The following GFI1B variants were observed in gnomAD, a reference collection of about 807,000 sequenced individuals.
GFI1B encodes the protein zinc finger protein Gfi-1b.
Under a neutral mutation model 35.3 loss-of-function variants are expected in GFI1B, and 20 were observed. That is an observed-to-expected ratio of 0.57 (90% CI 0.40 to 0.82). The LOEUF is 0.82. Ranked by LOEUF, GFI1B falls within the 40% of genes least tolerant of loss-of-function variation. The pLI is 0.00. For synonymous variants in GFI1B, 178 were observed against 177.6 expected (o/e 1.00, Z -0.02); for missense variants, 430 against 446.3 (o/e 0.96, Z 0.33).
chr9:132,946,133 A>G (rs1181550336), intron 1 of GFI1B, among the ~76,000 whole-genome samples: 1 of 152,158 alleles, frequency 6.6e-6, no homozygotes, highest in Admixed American at 6.5e-5. Context: ...AACCTTTATA[A>G]CCATACGTCT....
intron 1 of GFI1B, among the ~76,000 whole-genome samples, chr9:132,954,723 A>ATTTTTTT (rs543352177): frequency 1.2e-4 from 17 of 145,272 alleles, no homozygotes; most frequent in African/African-American, 4.3e-4. Context: ...CATCTGGCCA[A>ATTTTTTT]TTTTTTTTTT....
In GFI1B at chr9:132,963,572, C is replaced by T. The variant is rs1423630052; in HGVS notation, c.-700-9153C>T. 3.3e-5 allele frequency among the ~76,000 whole-genome samples: 5 copies of T among 151,988 alleles called. No individual in the cohort carries two copies. The South Asian group carries it at 6.2e-4, about 19-fold the overall frequency. On this transcript the variant is annotated intron_variant, in intron 1 of 10. Transcript: ENST00000339463. The stretch of plus-strand genomic sequence containing the variant: ...AGGCTGGAGTGCAGTGGCGTGATCT[C>T]GAACTCCTGATCTCAGGTGATCCAG...
upstream of GFI1B, among the ~76,000 whole-genome samples, chr9:132,975,909 G>A (rs1172217011): frequency 6.6e-6 from 1 of 152,188 alleles, no homozygotes; most frequent in East Asian, 1.9e-4. Context: ...GGGCTGTAAG[G>A]GCCTGGGTGA....
intron 1 of GFI1B, among the ~76,000 whole-genome samples, chr9:132,964,018 A>T (rs974322596): frequency 6.6e-6 from 1 of 152,214 alleles, no homozygotes; most frequent in African/African-American, 2.4e-5. Flanking sequence ...AGGTGGGAAG[A>T]TCACCTGAGG....
rs73554559 is a variant in GFI1B at position 132,989,623 on chromosome 9, G to T, written c.649-119G>T. ...TTCACCTCAGAGGCAGAGATGAGGGGTCCCCCGGTCCTGCTCCTCCAGGCC... is the reference window on the plus strand; with the variant it reads ...TTCACCTCAGAGGCAGAGATGAGGGTTCCCCCGGTCCTGCTCCTCCAGGCC... On this transcript the variant is annotated intron_variant, in intron 5 of 6. Transcript: ENST00000372122. The surrounding 1 kb of genome is among the most constrained non-coding windows in gnomAD (Gnocchi z 6.2). 388 of 722,798 alleles carry T rather than the reference G, an allele frequency of 5.4e-4. No homozygotes were observed. The African/African-American group carries it at 6.0e-3, about 11-fold the overall frequency. 44.8% of individuals were successfully genotyped at this position (722,798 alleles called of 1,614,324 possible).
chr9:132,951,157 A>G (rs1032902769), intron 1 of GFI1B: 2 of 152,090 alleles, frequency 1.3e-5, no homozygotes, highest in African/African-American at 2.4e-5. Context: ...TATGTTTCAT[A>G]TTTATATTGT....
At chr9:132,971,656 G>GA (rs1365339948) in intron 1 of GFI1B, among the ~76,000 whole-genome samples, 1 of 152,142 alleles carries the variant, frequency 6.6e-6, no homozygotes, top group Non-Finnish European at 1.5e-5. Flanking sequence ...GACAGAGAAA[G>GA]AAACAAGAAA....
At chr9:132,971,098 C>T (rs1848526132) in intron 1 of GFI1B, among the ~76,000 whole-genome samples, 1 of 152,208 alleles carries the variant, frequency 6.6e-6, no homozygotes, top group African/African-American at 2.4e-5. Context: ...CTCCTGGGCT[C>T]AAGCAATCCT....
At chr9:132,951,500 T>C (rs545304799) in intron 1 of GFI1B, 4 of 152,366 alleles carry the variant, frequency 2.6e-5, no homozygotes, top group African/African-American at 9.6e-5. Flanking sequence ...ATTATCTCCC[T>C]ATTAACTATC....
upstream of GFI1B, among the ~76,000 whole-genome samples, chr9:132,974,058 A>G (rs1848580956): frequency 6.6e-6 from 1 of 152,202 alleles, no homozygotes; most frequent in Admixed American, 6.5e-5. Context: ...AGAGCCGCAT[A>G]AAGTGGGTAG....
intron 1 of GFI1B, among the ~76,000 whole-genome samples, chr9:132,964,743 C>CG (rs1848422812): frequency 9.3e-6 from 1 of 107,938 alleles, no homozygotes; most frequent in Non-Finnish European, 1.9e-5. Flanking sequence ...ATTTTTCTTC[C>CG]TTTTTTTTTT....
chr9:132,971,125 A>G (rs1366828866), intron 1 of GFI1B, among the ~76,000 whole-genome samples: 1 of 152,086 alleles, frequency 6.6e-6, no homozygotes, highest in East Asian at 1.9e-4. Context: ...TCAGTCCCCA[A>G]AGTGCTGGGA....
chr9:132,951,951 T>C (rs944208636), intron 1 of GFI1B: 29 of 152,050 alleles, frequency 1.9e-4, no homozygotes, highest in African/African-American at 6.8e-4. Context: ...TTATTTTTTG[T>C]AGAAGTGGGC....
rs796692546 is a variant in GFI1B, at chr9:132,960,772, G to T, written c.-700-11953G>T. Among the ~76,000 whole-genome samples the T allele has an allele frequency of 8.6e-5, 13 of 151,856 alleles. 1 individual carries two copies. Among genetic ancestry groups the T allele is most frequent in the African/African-American group, 3.1e-4 (13 of 41,368 alleles). On this transcript the variant is annotated intron_variant, in intron 1 of 10. Coordinates refer to the GFI1B transcript ENST00000339463. ...CCACCTCAGTCTCCCAAAACATTAG[G>T]GTTACAAGCATGAGCCACCGAGCCT...
downstream of GFI1B, among the ~76,000 whole-genome samples, chr9:132,993,413 A>G (rs1445052619): frequency 1.3e-5 from 2 of 152,196 alleles, no homozygotes; most frequent in East Asian, 3.8e-4. Flanking sequence ...AGGGATGCCA[A>G]GAGTAGACCA....
intron 1 of GFI1B, among the ~76,000 whole-genome samples, chr9:132,971,972 TA>T (rs55710047): frequency 2.3e-3 from 299 of 130,732 alleles, no homozygotes; most frequent in Middle Eastern, 8.8e-3. Context: ...AGACTCTGTC[TA>T]AAAAAAAAAA....
At chr9:132,971,805 C>T (rs568753614) in intron 1 of GFI1B, among the ~76,000 whole-genome samples, 5 of 151,962 alleles carry the variant, frequency 3.3e-5, no homozygotes, top group Admixed American at 2.6e-4. Context: ...AAACCCCTGT[C>T]TCCACTAAAA....
intron 1 of GFI1B, among the ~76,000 whole-genome samples, chr9:132,979,257 T>A (rs72759454): frequency 9.0e-4 from 102 of 113,836 alleles, no homozygotes; most frequent in East Asian, 3.8e-3. Flanking sequence ...TTTTTTTTTT[T>A]TTTTTTTTTT....
At chr9:132,959,679 T>TGTCA (rs1161802060) in intron 1 of GFI1B, among the ~76,000 whole-genome samples, 2 of 152,160 alleles carry the variant, frequency 1.3e-5, no homozygotes, top group African/African-American at 2.4e-5. Context: ...AAACCCAAGG[T>TGTCA]GTCAGTCAGC....
Sources: gnomAD v4.1 joint callset for allele counts (sites outside exome capture counted in the v4.1 genomes callset) on GRCh38, gnomAD v4.1.1 for gene constraint, Gnocchi (gnomAD v3.1) non-coding constraint, MANE v1.5 for transcripts, NCBI Gene and HGNC (gene_info 2026-07-23, HGNC 2026-07-21) for gene names.